The following RPTOR variants were observed in gnomAD, a reference collection of about 807,000 sequenced individuals.
RPTOR encodes regulatory associated protein of MTOR complex 1, also known as regulatory-associated protein of mTOR.
A neutral mutation model predicts 169.9 loss-of-function variants in RPTOR; 21 were observed. That is an observed-to-expected ratio of 0.12 (90% CI 0.09 to 0.18). The LOEUF (loss-of-function observed/expected upper bound fraction) is 0.18, where lower values mean the gene tolerates loss of function less well. Among genes scored for constraint, RPTOR ranks in the 10% least tolerant of loss-of-function variants. The pLI, the probability that RPTOR is intolerant of heterozygous loss-of-function variation, is 1.00. For synonymous variants in RPTOR, 732 were observed against 753.2 expected, an observed-to-expected ratio of 0.97 and a Z score of 0.46; for missense variants, 1,133 against 1,855.9, an observed-to-expected ratio of 0.61 and a Z score of 7.16.
At chr17:80,795,569 T>A (rs1030845996) in intron 7 of RPTOR, among the ~76,000 whole-genome samples, 4 of 152,204 alleles carry the variant, frequency 2.6e-5, no homozygotes, top group African/African-American at 2.4e-5. Flanking sequence ...GTTTATTTTT[T>A]TTTTTTAATT....
At chr17:80,964,201 C>A in intron 33 of RPTOR, 61 bp from the exon 34 acceptor site, 1 of 1,213,844 alleles carries the variant, frequency 8.2e-7, no homozygotes, top group Non-Finnish European at 1.2e-6. Context: ...CTGCGCCCCC[C>A]CGCCCCCCGC....
At chr17:80,905,227 C>T (rs2068526083) in intron 20 of RPTOR, among the ~76,000 whole-genome samples, 1 of 151,716 alleles carries the variant, frequency 6.6e-6, no homozygotes, top group South Asian at 2.1e-4. Flanking sequence ...CAAATATTTT[C>T]GATCTGCGGT....
chr17:80,720,212 C>T (rs1270680925), intron 4 of RPTOR, among the ~76,000 whole-genome samples: 6 of 151,934 alleles, frequency 3.9e-5, no homozygotes, highest in East Asian at 1.9e-4. Flanking sequence ...ACAGGAGAAT[C>T]GCTTGAACTG....
intron 6 of RPTOR, among the ~76,000 whole-genome samples, chr17:80,789,504 G>C (rs965075455): frequency 6.6e-6 from 1 of 152,208 alleles, no homozygotes; most frequent in African/African-American, 2.4e-5. Context: ...CCTTCCTGCT[G>C]TCCTCCACGG....
rs116667673 is a variant in RPTOR, at chr17:80,595,264, A to G, written c.163-30427A>G. Among the ~76,000 whole-genome samples, 339 of 152,344 alleles carry G rather than the reference A, an allele frequency of 2.2e-3. 4 individuals are homozygous for G. Among genetic ancestry groups the G allele is most frequent in the African/African-American group, 7.6e-3 (314 of 41,582 alleles). ...TTTCTGATTGTTTACAAGGAAATCA[A>G]CCTTTACACTAGCTCCAGCTTTTTT... On this transcript the variant is annotated intron_variant, in intron 1 of 33. Transcript: ENST00000306801.
At chr17:80,859,263 C>T (rs1002806320) in intron 13 of RPTOR, among the ~76,000 whole-genome samples, 13 of 152,200 alleles carry the variant, frequency 8.5e-5, no homozygotes, top group African/African-American at 2.9e-4. Flanking sequence ...GGAGAACTCT[C>T]GAAAGCTCCT....
intron 6 of RPTOR, among the ~76,000 whole-genome samples, chr17:80,780,983 T>C (rs904553607): frequency 2.0e-5 from 3 of 152,232 alleles, no homozygotes; most frequent in Admixed American, 6.5e-5. Context: ...CTCAGCCCAC[T>C]GTGGTCTTTG....
chr17:80,621,150 C>T (rs1346035055), intron 1 of RPTOR, among the ~76,000 whole-genome samples: 1 of 152,190 alleles, frequency 6.6e-6, no homozygotes, highest in Non-Finnish European at 1.5e-5. Flanking sequence ...CAGAAATGGT[C>T]TCTCTAGGTA....
intron 4 of RPTOR, among the ~76,000 whole-genome samples, chr17:80,720,351 C>T (rs559050117): frequency 9.2e-5 from 14 of 151,964 alleles, no homozygotes; most frequent in African/African-American, 2.4e-4. Context: ...CAGAAAAATA[C>T]GTGATTTTTA....
rs781139927 is a variant in RPTOR, at chr17:80,857,877, G to A, written c.1486G>A (p.Ala496Thr). 6.2e-7 allele frequency: 1 copy of A among 1,613,398 alleles called. No individual in the cohort carries two copies. Among genetic ancestry groups the A allele is most frequent in the Non-Finnish European group, 8.5e-7 (1 of 1,179,912 alleles). ...GCGGCCACTTCTCGTTTTCATCTGGGCCAAGATCCTCGCAGTGGACAGCGT... is the reference window on the plus strand; with the variant it reads ...GCGGCCACTTCTCGTTTTCATCTGGACCAAGATCCTCGCAGTGGACAGCGT... ...ELRPLLVFIW[A>T]KILAVDSSCQ... The change falls in exon 13 of 34, where the codon GCC becomes ACC. Residue 496 changes from alanine to threonine, a missense_variant. Physicochemically the swap from Ala to Thr is moderately conservative, Grantham distance 58. Around this residue, in one of 9 missense-constraint regions of RPTOR, gnomAD observed 289 missense variants for 585.8 expected, o/e 0.49. Coordinates refer to ENST00000306801, the MANE Select transcript of RPTOR (RefSeq NM_020761.3).
intron 5 of RPTOR, among the ~76,000 whole-genome samples, chr17:80,740,155 A>G (rs746929210): frequency 2.0e-5 from 3 of 152,220 alleles, no homozygotes; most frequent in Non-Finnish European, 2.9e-5. Flanking sequence ...GAAATGGACC[A>G]ATTCCTCGAA....
At chr17:80,712,010 C>T (rs1370265073) in intron 4 of RPTOR, among the ~76,000 whole-genome samples, 2 of 152,056 alleles carry the variant, frequency 1.3e-5, no homozygotes, top group Non-Finnish European at 2.9e-5. Flanking sequence ...TCCCAAAGTG[C>T]TGGGATTACA....
chr17:80,862,758 C>T lies in RPTOR; in HGVS notation c.1509+4858C>T, dbSNP rs565470658. On this transcript the variant is annotated intron_variant, in intron 13 of 33. Coordinates refer to ENST00000306801, the MANE Select transcript of RPTOR (RefSeq NM_020761.3). ...ATGAGTGCCTCCTGCAGCCCTCAGC[C>T]GTCCCTGTGACTCCTGGGGCTTGCC... Among the ~76,000 whole-genome samples the T allele has an allele frequency of 5.9e-5, 9 of 152,304 alleles. No homozygotes were observed. In the East Asian group the frequency reaches 1.7e-3, roughly 29 times the overall value.
chr17:80,777,545 T>C (rs2066903341), intron 6 of RPTOR, among the ~76,000 whole-genome samples: 1 of 138,140 alleles, frequency 7.2e-6, no homozygotes, highest in African/African-American at 2.8e-5. Flanking sequence ...TTGGCCTTTG[T>C]TGTTTTTTTT....
At chr17:80,696,428 A>T (rs1380103524) in intron 3 of RPTOR, among the ~76,000 whole-genome samples, 2 of 152,222 alleles carry the variant, frequency 1.3e-5, no homozygotes, top group African/African-American at 2.4e-5. Context: ...TGATACTGGG[A>T]TAGTGGAGCT....
intron 21 of RPTOR, among the ~76,000 whole-genome samples, chr17:80,917,655 A>G (rs1162470379): frequency 6.6e-6 from 1 of 152,134 alleles, no homozygotes; most frequent in African/African-American, 2.4e-5. Flanking sequence ...TCTTCCAGTG[A>G]TCTCAGCCGA....
chr17:80,723,480 T>C (rs2066304258), intron 4 of RPTOR, among the ~76,000 whole-genome samples: 1 of 151,442 alleles, frequency 6.6e-6, no homozygotes, highest in African/African-American at 2.5e-5. Context: ...ACTTCTTGGG[T>C]TATAATCCAT....
chr17:80,613,378 C>G lies in RPTOR; in HGVS notation c.163-12313C>G, dbSNP rs539891337. Among the ~76,000 whole-genome samples, 57 of 152,334 alleles carry G rather than the reference C, an allele frequency of 3.7e-4. No individual in the cohort carries two copies. The Middle Eastern group carries it at 0.014, about 36-fold the overall frequency. ...TGTCCCTGGAAGGGACAGGGCACATCTTGTTCATCAGGGCACCGCAGCCCC... is the reference window on the plus strand; with the variant it reads ...TGTCCCTGGAAGGGACAGGGCACATGTTGTTCATCAGGGCACCGCAGCCCC... On this transcript the variant is annotated intron_variant, in intron 1 of 33. Coordinates refer to ENST00000306801, the MANE Select transcript of RPTOR (RefSeq NM_020761.3).
intron 3 of RPTOR, among the ~76,000 whole-genome samples, chr17:80,682,572 A>G (rs1338833919): frequency 6.6e-6 from 1 of 152,210 alleles, no homozygotes. Flanking sequence ...CAGGCCAAGG[A>G]ACACCGAGGC....
Sources: gnomAD v4.1 joint callset for allele counts (sites outside exome capture counted in the v4.1 genomes callset) on GRCh38, gnomAD v4.1.1 for gene constraint, gnomAD v4.1.1 regional missense constraint, MANE v1.5 for transcripts, NCBI Gene and HGNC (gene_info 2026-07-23, HGNC 2026-07-21) for gene names.